PEBP4: variants seen among roughly 807,000 people sequenced by gnomAD.
PEBP4 encodes phosphatidylethanolamine binding protein 4, also known as phosphatidylethanolamine-binding protein 4.
PEBP4 carries 22 observed loss-of-function variants against 23.9 expected under a neutral mutation model. The ratio of observed to expected loss-of-function variants is 0.92; its 90% CI spans 0.66 to 1.31. The LOEUF (loss-of-function observed/expected upper bound fraction) is 1.31, where lower values mean the gene tolerates loss of function less well. Among genes scored for constraint, PEBP4 ranks in the 40% most tolerant of loss-of-function variants. PEBP4 has a pLI of 0.00. For synonymous variants in PEBP4, 112 were observed against 99.3 expected, an observed-to-expected ratio of 1.13 and a Z score of -0.76; for missense variants, 324 against 281.7, an observed-to-expected ratio of 1.15 and a Z score of -1.07.
At chr8:22,796,821 T>C (rs1168181078) in intron 4 of PEBP4, among the ~76,000 whole-genome samples, 1 of 152,030 alleles carries the variant, frequency 6.6e-6, no homozygotes, top group Middle Eastern at 3.2e-3. Context: ...AGAAGAGGGA[T>C]GAAATACTGC....
At chr8:22,714,323 T>G (rs1804369631) in intron 6 of PEBP4, among the ~76,000 whole-genome samples, 1 of 152,148 alleles carries the variant, frequency 6.6e-6, no homozygotes, top group Admixed American at 6.5e-5. Flanking sequence ...CAGAGGCATA[T>G]TCCCACGTTC....
chr8:22,769,170 T>C (rs1167683614), intron 4 of PEBP4, among the ~76,000 whole-genome samples: 3 of 152,178 alleles, frequency 2.0e-5, no homozygotes, highest in African/African-American at 7.2e-5. Flanking sequence ...CAGCTTGGCC[T>C]CAGTGCCCCT....
rs117314285 is a variant in PEBP4 at position 22,808,732 on chromosome 8, A to C, written c.357+8905T>G. 4.5e-3 allele frequency among the ~76,000 whole-genome samples: 685 copies of C among 152,348 alleles called. 21 individuals are homozygous for C. Among genetic ancestry groups the C allele is most frequent in the East Asian group, 0.044 (226 of 5,182 alleles). ...CTAAAAAGCCCACTTGGAGTTGACT[A>C]AACCATTGAGTATTGCTCTCTCATT... is the stretch of plus-strand genomic sequence containing the variant. On this transcript the variant is annotated intron_variant, in intron 4 of 6. Transcript: ENST00000256404.
intron 4 of PEBP4, among the ~76,000 whole-genome samples, chr8:22,780,111 G>C (rs191353780): frequency 7.2e-5 from 11 of 152,034 alleles, no homozygotes; most frequent in African/African-American, 2.7e-4. Flanking sequence ...CCACAGGCAC[G>C]CACTATCACA....
chr8:22,897,412 G>A (rs1361425989), intron 3 of PEBP4, among the ~76,000 whole-genome samples: 4 of 152,170 alleles, frequency 2.6e-5, no homozygotes, highest in Non-Finnish European at 5.9e-5. Context: ...ACACTATGTG[G>A]AGTACTGAGG....
intron 4 of PEBP4, among the ~76,000 whole-genome samples, chr8:22,797,131 G>A (rs1333054032): frequency 4.0e-5 from 6 of 151,596 alleles, no homozygotes; most frequent in Admixed American, 6.6e-5. Flanking sequence ...GCACATGCCT[G>A]TAATCCCAGC....
intron 4 of PEBP4, among the ~76,000 whole-genome samples, chr8:22,737,029 C>T (rs1427294360): frequency 1.3e-5 from 2 of 152,182 alleles, no homozygotes; most frequent in Non-Finnish European, 2.9e-5. Context: ...CATGGTGGCT[C>T]ACGCCTGTAA....
At chr8:22,829,951 G>A (rs1256089919) in intron 3 of PEBP4, among the ~76,000 whole-genome samples, 7 of 152,144 alleles carry the variant, frequency 4.6e-5, no homozygotes, top group Non-Finnish European at 1.0e-4. Context: ...AAATCCAATG[G>A]ATGTTTTCCA....
upstream of PEBP4, among the ~76,000 whole-genome samples, chr8:22,930,266 A>AG (rs1225361683): frequency 2.6e-5 from 4 of 152,120 alleles, no homozygotes; most frequent in Admixed American, 6.5e-5. Flanking sequence ...CACCTTCATT[A>AG]GGGGGGTAGC....
At chr8:22,846,747 A>G (rs970331359) in intron 3 of PEBP4, among the ~76,000 whole-genome samples, 4 of 152,174 alleles carry the variant, frequency 2.6e-5, no homozygotes, top group African/African-American at 9.7e-5. Flanking sequence ...AGTGGCCAAC[A>G]CTGGTGAGTT....
chr8:22,828,752 T>C (rs1807025197), intron 3 of PEBP4, among the ~76,000 whole-genome samples: 1 of 152,198 alleles, frequency 6.6e-6, no homozygotes, highest in South Asian at 2.1e-4. Flanking sequence ...CTCCTTCGTG[T>C]CCTTGAGTCT....
At chr8:22,759,771 C>T (rs568142098) in intron 4 of PEBP4, among the ~76,000 whole-genome samples, 15 of 152,304 alleles carry the variant, frequency 9.8e-5, no homozygotes, top group South Asian at 4.1e-4. Flanking sequence ...CTCCCTTCCG[C>T]GTACCCGTGC....
At chr8:22,840,629 C>T (rs940818313) in intron 3 of PEBP4, among the ~76,000 whole-genome samples, 1 of 152,062 alleles carries the variant, frequency 6.6e-6, no homozygotes, top group Admixed American at 6.6e-5. Flanking sequence ...TTAGGAACAC[C>T]CACATGTTCC....
intron 5 of PEBP4, 48 bp downstream of exon 5, chr8:22,727,127 G>T: frequency 6.2e-7 from 1 of 1,600,780 alleles, no homozygotes; most frequent in Non-Finnish European, 8.6e-7. Flanking sequence ...TCCTGTGATC[G>T]TCACTGATGC....
intron 4 of PEBP4, among the ~76,000 whole-genome samples, chr8:22,788,879 A>T (rs1585273041): frequency 6.6e-6 from 1 of 152,228 alleles, no homozygotes; most frequent in African/African-American, 2.4e-5. Flanking sequence ...ATATAAAAAA[A>T]AAGCAGATAC....
At chr8:22,769,530 C>T (rs1166100479) in intron 4 of PEBP4, among the ~76,000 whole-genome samples, 1 of 152,168 alleles carries the variant, frequency 6.6e-6, no homozygotes, top group Non-Finnish European at 1.5e-5. Context: ...TGAGACCCTT[C>T]CTTTCCTGCT....
intron 3 of PEBP4, among the ~76,000 whole-genome samples, chr8:22,893,549 T>C (rs1445920839): frequency 6.6e-6 from 1 of 152,200 alleles, no homozygotes. Flanking sequence ...CTATATTCCA[T>C]GTGTTCAAGA....
At chr8:22,727,549 C>A (rs991365851) in intron 4 of PEBP4, among the ~76,000 whole-genome samples, 1 of 152,140 alleles carries the variant, frequency 6.6e-6, no homozygotes, top group Non-Finnish European at 1.5e-5. Context: ...GTTCCACGAT[C>A]CCTATTGGTG....
At chr8:22,741,891 G>A (rs964482303) in intron 4 of PEBP4, among the ~76,000 whole-genome samples, 1 of 152,182 alleles carries the variant, frequency 6.6e-6, no homozygotes, top group African/African-American at 2.4e-5. Flanking sequence ...TGTTCCTGGT[G>A]ACAGTGCGCA....
Sources: gnomAD v4.1 joint callset for allele counts (sites outside exome capture counted in the v4.1 genomes callset) on GRCh38, gnomAD v4.1.1 for gene constraint, MANE v1.5 for transcripts, NCBI Gene and HGNC (gene_info 2026-07-23, HGNC 2026-07-21) for gene names.